Variants in SERINC3 observed in about 807,000 individuals in gnomAD.
SERINC3 encodes the protein serine incorporator 3, also known as tumor differentially expressed protein 1.
SERINC3 carries 22 observed loss-of-function variants against 52.1 expected under a neutral mutation model. That is an observed-to-expected ratio of 0.42 (90% CI 0.30 to 0.60). The LOEUF is 0.60. SERINC3 is among the 20% of genes least tolerant of loss of function. The probability of loss-of-function intolerance (pLI) is 0.16; values close to 1 mark genes in which losing one functional copy is unlikely to be tolerated. For synonymous variants in SERINC3, 226 were observed against 212.7 expected, an observed-to-expected ratio of 1.06 and a Z score of -0.54; for missense variants, 564 against 584.6, an observed-to-expected ratio of 0.96 and a Z score of 0.36.
downstream of SERINC3, among the ~76,000 whole-genome samples, chr20:44,497,258 T>C (rs1176414809): frequency 6.6e-6 from 1 of 152,226 alleles, no homozygotes; most frequent in Admixed American, 6.5e-5. Context: ...GAATGCTGTC[T>C]TACTCATGCT....
At chr20:44,515,762 T>G (rs2064376584) in intron 1 of SERINC3, among the ~76,000 whole-genome samples, 1 of 151,776 alleles carries the variant, frequency 6.6e-6, no homozygotes, top group African/African-American at 2.4e-5. Flanking sequence ...GCAATTCTTG[T>G]GCTTTAGCCT....
At position 44,501,230 on chromosome 20, in the gene SERINC3, C is replaced by A; in HGVS notation, c.1126G>T (p.Asp376Tyr). 1 of 1,614,168 alleles carries A rather than the reference C, an allele frequency of 6.2e-7. No homozygotes were observed. The highest frequency in any genetic ancestry group is 8.5e-7 in the Non-Finnish European group (1 of 1,180,032). Residue 376 changes from aspartate (D) to tyrosine (Y), a missense_variant, in exon 9 of 10, where the codon GAT becomes TAT. By Grantham distance (160) the Asp-to-Tyr change is radical. Coordinates refer to ENST00000342374, the MANE Select transcript of SERINC3 (RefSeq NM_006811.4). ...LSGSDSVILGDTTTSGASDEE... is the reference protein window; with the variant it reads ...LSGSDSVILGYTTTSGASDEE... The stretch of plus-strand genomic sequence containing the variant: ...TCACTGGCACCACTGGTAGTTGTAT[C>A]ACCAAGGATGACGCTGTCACTCCCT...
At position 44,501,082 on chromosome 20, in the gene SERINC3, C is replaced by G; in HGVS notation, c.1274G>C (p.Ser425Thr). 5 of 1,613,258 alleles carry G rather than the reference C, an allele frequency of 3.1e-6. No homozygotes were observed. The highest frequency in any genetic ancestry group is 4.2e-6 in the Non-Finnish European group (5 of 1,179,228). ...ASLYIMMTLT[S>T]WYSPDAKFQS... ...TGTCTGTGTCTCCTACCTGTACCAG[C>G]TGGTCAGGGTCATCATGATGTACAA... The change falls in exon 9 of 10, where the codon AGC becomes ACC. Residue 425 changes from serine (S) to threonine (T), a missense_variant. By Grantham distance (58) the Ser-to-Thr change is moderately conservative (BLOSUM62 1). Coordinates refer to ENST00000342374, the MANE Select transcript of SERINC3 (RefSeq NM_006811.4).
intron 8 of SERINC3, among the ~76,000 whole-genome samples, chr20:44,502,419 T>C (rs1404506370): frequency 6.6e-6 from 1 of 151,766 alleles, no homozygotes; most frequent in Non-Finnish European, 1.5e-5. Flanking sequence ...AGACTGTTCC[T>C]AAAAAGATTA....
intron 3 of SERINC3, among the ~76,000 whole-genome samples, chr20:44,512,082 G>A (rs1385648980): frequency 6.6e-6 from 1 of 152,168 alleles, no homozygotes; most frequent in African/African-American, 2.4e-5. Context: ...GGAGGCAAAG[G>A]CGGGCGGACC....
chr20:44,511,240 T>G lies in SERINC3; in HGVS notation c.475+49A>C, dbSNP rs376175961. 3 of 1,282,798 alleles carry G rather than the reference T, an allele frequency of 2.3e-6. No homozygotes were observed. In the African/African-American group the frequency reaches 4.4e-5, roughly 19 times the overall value. The allele number at this position is 1,282,798 out of a possible 1,614,324, so 79.5% of individuals were successfully genotyped here. ...AAAATGTAGCTTTAACTCAATCATC[T>G]ATAGAGTTTATATAGTTTAAAATTA... On this transcript the variant is annotated intron_variant, in intron 4 of 9. Coordinates refer to ENST00000342374, the MANE Select transcript of SERINC3 (RefSeq NM_006811.4).
Position 44,514,006 on chromosome 20 carries a change from A to G in SERINC3, c.74T>C (p.Leu25Pro). Residue 25 changes from leucine (L) to proline (P), a missense_variant, in exon 2 of 10, where the codon CTG (leucine) becomes CCG (proline). By Grantham distance (98) the Leu-to-Pro change is moderately conservative. Transcript: ENST00000342374. The part of the protein sequence containing the change: ...PCLCSGASCL[L>P]CSCCPNSKNS... ...CTTACTGTTAGGACAGCAACTACAC[A>G]GCAAACATGAGGCACCGCTGCAGAG... is the stretch of plus-strand genomic sequence containing the variant. 1.2e-6 allele frequency: 2 copies of G among 1,614,130 alleles called. No homozygotes were observed. The highest frequency in any genetic ancestry group is 1.1e-5 in the South Asian group (1 of 91,076).
chr20:44,506,802 A>G lies in SERINC3; in HGVS notation c.783+25T>C, dbSNP rs747054403. The G allele has an allele frequency of 3.3e-6, 5 of 1,507,220 alleles. No individual in the cohort carries two copies. In the East Asian group the frequency reaches 1.2e-4, roughly 35 times the overall value. 93.4% of individuals were successfully genotyped at this position (1,507,220 alleles called of 1,614,324 possible). A position where few individuals can be genotyped will look rare whatever the true frequency, so the allele number is the denominator to read the frequency against. ...CTTAGAATTAAAAACCTTTCACAGG[A>G]GAAAGAAGTAGTAAACAATCATACC... On this transcript the variant is annotated intron_variant, in intron 6 of 9. Coordinates refer to ENST00000342374, the MANE Select transcript of SERINC3 (RefSeq NM_006811.4).
At chr20:44,512,409 G>A (rs1163654750) in intron 3 of SERINC3, among the ~76,000 whole-genome samples, 6 of 151,104 alleles carry the variant, frequency 4.0e-5, no homozygotes, top group African/African-American at 1.5e-4. Flanking sequence ...ATGTAAATCA[G>A]TAGCACATAT....
At chr20:44,513,850 A>G (rs367841887) in intron 2 of SERINC3, 29 bp downstream of exon 2, 3 of 1,505,588 alleles carry the variant, frequency 2.0e-6, no homozygotes, top group Non-Finnish European at 1.8e-6. Flanking sequence ...AAAAATAACC[A>G]ATACCTTAAG....
At chr20:44,516,306 A>T (rs968886584) in intron 1 of SERINC3, among the ~76,000 whole-genome samples, 1 of 152,144 alleles carries the variant, frequency 6.6e-6, no homozygotes, top group Non-Finnish European at 1.5e-5. Context: ...CGTCTCAAAA[A>T]AAAAGAGTAA....
Position 44,503,964 on chromosome 20 carries a change from A to G in SERINC3, c.906T>C (p.Phe302=), listed in dbSNP as rs377518667. The part of the protein sequence containing the change: ...DRSCNPNLMS[F]ITRITAPTLA... ...GGGTTGGTGCAGTTATGCGTGTAAT[A>G]AAGCTCATCAGGTTGGGATTGCAGG... is the stretch of plus-strand genomic sequence containing the variant. Residue 302 remains phenylalanine (F), a synonymous_variant, in exon 8 of 10, where the codon TTT becomes TTC. Transcript: ENST00000342374. 97 of 1,596,360 alleles carry G rather than the reference A, an allele frequency of 6.1e-5. No individual in the cohort carries two copies. Among genetic ancestry groups the G allele is most frequent in the Non-Finnish European group, 8.3e-5 (97 of 1,174,826 alleles).
intron 8 of SERINC3, among the ~76,000 whole-genome samples, chr20:44,502,203 GT>G (rs1331459965): frequency 3.3e-5 from 5 of 152,208 alleles, no homozygotes; most frequent in African/African-American, 1.2e-4. Context: ...ACTTCATCTT[GT>G]TTATAGGAAA....
intron 6 of SERINC3, among the ~76,000 whole-genome samples, chr20:44,505,808 C>G (rs1018081486): frequency 1.3e-5 from 2 of 151,804 alleles, no homozygotes; most frequent in Non-Finnish European, 2.9e-5. Context: ...CCATGTTGGT[C>G]AGGCTGGTCT....
intron 8 of SERINC3, among the ~76,000 whole-genome samples, chr20:44,501,759 T>TA (rs2064281577): frequency 6.6e-6 from 1 of 152,196 alleles, no homozygotes; most frequent in Non-Finnish European, 1.5e-5. Flanking sequence ...CCACTGCACA[T>TA]ATCACTCCTA....
chr20:44,513,037 A>T, intron 2 of SERINC3, 43 bp from the exon 3 acceptor site: 1 of 1,358,128 alleles, frequency 7.4e-7, no homozygotes, highest in Non-Finnish European at 9.8e-7. Flanking sequence ...ATCTACATTT[A>T]GACAGAGACT....
At position 44,512,886 on chromosome 20, in the gene SERINC3, C is replaced by T; in HGVS notation, c.310G>A (p.Ala104Thr). 2.5e-6 allele frequency: 4 copies of T among 1,573,876 alleles called. No homozygotes were observed. The highest frequency in any genetic ancestry group is 3.4e-6 in the Non-Finnish European group (4 of 1,166,750). The change falls in exon 3 of 10, where the codon GCC becomes ACC. Residue 104 changes from alanine to threonine, a missense_variant. Transcript: ENST00000342374. ...AAGACAAAGAAAAAGATGGCCATGGCAAAGCTGATCCGATACACAGCTTTA... is the reference window on the plus strand; with the variant it reads ...AAGACAAAGAAAAAGATGGCCATGGTAAAGCTGATCCGATACACAGCTTTA... ...GYKAVYRISF[A>T]MAIFFFVFSL... is the part of the protein sequence containing the mutation.
At chr20:44,517,740 T>C (rs929502462) in intron 1 of SERINC3, among the ~76,000 whole-genome samples, 4 of 152,184 alleles carry the variant, frequency 2.6e-5, no homozygotes, top group African/African-American at 4.8e-5. Context: ...CTGTGGTACT[T>C]TGTTATAAAG....
Position 44,506,955 on chromosome 20 carries a change from T to C in SERINC3, c.655A>G (p.Ile219Val), listed in dbSNP as rs138396148. ...TATGTATAGAGCAGCCCGACACAGA[T>C]GATTGACAGGATATAAAAGGCGCTT... ...FTSAFYILSI[I>V]CVGLLYTYYT... The change falls in exon 6 of 10, where the codon ATC becomes GTC. Residue 219 changes from isoleucine to valine, a missense_variant. Transcript: ENST00000342374. 1.2e-6 allele frequency: 2 copies of C among 1,607,898 alleles called. No individual in the cohort carries two copies. Among genetic ancestry groups the C allele is most frequent in the Admixed American group, 1.7e-5 (1 of 58,568 alleles).
Sources: gnomAD v4.1 joint callset for allele counts (sites outside exome capture counted in the v4.1 genomes callset) on GRCh38, gnomAD v4.1.1 for gene constraint, MANE v1.5 for transcripts, NCBI Gene and HGNC (gene_info 2026-07-23, HGNC 2026-07-21) for gene names.